DCHS2: variants seen among roughly 807,000 people sequenced by gnomAD.
DCHS2 encodes protocadherin-23.
DCHS2 carries 142 observed loss-of-function variants against 182.4 expected under a neutral mutation model. That is an observed-to-expected ratio of 0.78 (90% confidence interval 0.68 to 0.89). DCHS2 has a LOEUF of 0.89. Ranked by LOEUF, DCHS2 falls within the 40% of genes least tolerant of loss-of-function variation. DCHS2 has a pLI of 0.00. For missense variants in DCHS2, 4,319 were observed against 4,198.6 expected, an observed-to-expected ratio of 1.03 and a Z score of -0.79; for synonymous variants, 1,740 against 1,663.3, an observed-to-expected ratio of 1.05 and a Z score of -1.12.
Position 154,320,817 on chromosome 4 carries a change from G to A in DCHS2, c.4582C>T (p.Leu1528=), listed in dbSNP as rs771697993. Residue 1528 remains leucine, a synonymous_variant, in exon 9 of 20, where the codon CTG becomes TTG. Coordinates refer to ENST00000357232, the MANE Select transcript of DCHS2 (RefSeq NM_001358235.2). ...TCTTTGGCATTGAAGACATACACCAGGGTTCCTATGGGAACATTCTCCTCT... is the reference window on the plus strand; with the variant it reads ...TCTTTGGCATTGAAGACATACACCAAGGTTCCTATGGGAACATTCTCCTCT... ...SVEENVPIGT[L]VYVFNAKDDD... 13 of 1,613,958 alleles carry A rather than the reference G, an allele frequency of 8.1e-6. No homozygotes were observed. Among genetic ancestry groups the A allele is most frequent in the East Asian group, 2.2e-5 (1 of 44,880 alleles).
intron 13 of DCHS2, among the ~76,000 whole-genome samples, chr4:154,274,053 T>TG (rs1733719425): frequency 6.6e-6 from 1 of 152,016 alleles, no homozygotes; most frequent in Non-Finnish European, 1.5e-5. Context: ...CATATGCATT[T>TG]GGGTAAAAGC....
intron 5 of DCHS2, among the ~76,000 whole-genome samples, chr4:154,331,354 C>G (rs1736515018): frequency 6.6e-6 from 1 of 152,048 alleles, no homozygotes; most frequent in Non-Finnish European, 1.5e-5. Flanking sequence ...ACGGGGGAAT[C>G]AACTGTAGTT....
At chr4:154,468,508 AT>A (rs1735327018) in intron 1 of DCHS2, among the ~76,000 whole-genome samples, 1 of 152,062 alleles carries the variant, frequency 6.6e-6, no homozygotes, top group Admixed American at 6.6e-5. Flanking sequence ...GTTCATTAAA[AT>A]CCTCACCTGC....
At chr4:154,255,808 C>G in intron 15 of DCHS2, 138 bp from the exon 16 acceptor site, 2 of 1,316,324 alleles carry the variant, frequency 1.5e-6, no homozygotes, top group Non-Finnish European at 2.0e-6. Context: ...GAAATACCAA[C>G]AGACAACTGA....
At position 154,465,668 on chromosome 4, in the gene DCHS2, C is replaced by CA. The variant is rs879363340; in HGVS notation, c.2052+23635dup. Among the ~76,000 whole-genome samples, 1,141 of 135,896 alleles carry CA rather than the reference C, an allele frequency of 8.4e-3. 19 individuals are homozygous for CA. The highest frequency in any genetic ancestry group is 0.076 in the South Asian group (325 of 4,304). 89.2% of individuals were successfully genotyped at this position (135,896 alleles called of 152,430 possible). On this transcript the variant is annotated intron_variant, in intron 1 of 19. Transcript: ENST00000357232. ...TGGGTGACAGAGCAAGACCCCATCT[C>CA]AAAAAAAAAAAAAGTGACATACCAT... is the stretch of plus-strand genomic sequence containing the variant.
At chr4:154,463,133 A>G (rs1735084921) in intron 1 of DCHS2, among the ~76,000 whole-genome samples, 1 of 144,308 alleles carries the variant, frequency 6.9e-6, no homozygotes, top group Admixed American at 7.3e-5. Flanking sequence ...ATAAGTATAT[A>G]CATACTTATG....
intron 1 of DCHS2, among the ~76,000 whole-genome samples, chr4:154,386,634 C>G (rs902109449): frequency 6.6e-6 from 1 of 152,120 alleles, no homozygotes; most frequent in Non-Finnish European, 1.5e-5. Context: ...ACACTGATCT[C>G]GCCCCACCCC....
At chr4:154,420,541 C>T (rs2110913865) in intron 1 of DCHS2, among the ~76,000 whole-genome samples, 1 of 152,212 alleles carries the variant, frequency 6.6e-6, no homozygotes, top group East Asian at 1.9e-4. Context: ...AGTACAAGTC[C>T]CAGAGTCTAA....
chr4:154,462,970 A>G (rs1284172707), intron 1 of DCHS2, among the ~76,000 whole-genome samples: 1 of 152,046 alleles, frequency 6.6e-6, no homozygotes, highest in Non-Finnish European at 1.5e-5. Context: ...GAAATGAGAA[A>G]AAGCCAAAAC....
intron 14 of DCHS2, among the ~76,000 whole-genome samples, chr4:154,265,607 T>C (rs1733210861): frequency 6.6e-6 from 1 of 152,186 alleles, no homozygotes; most frequent in Admixed American, 6.5e-5. Context: ...AGTGAGAACC[T>C]GTCTTTCTTT....
intron 14 of DCHS2, among the ~76,000 whole-genome samples, chr4:154,268,740 C>A (rs550721147): frequency 2.4e-4 from 37 of 152,192 alleles, no homozygotes; most frequent in African/African-American, 7.0e-4. Context: ...AGATATTTCA[C>A]AATAAAATTT....
At chr4:154,390,969 T>C (rs983252775) in intron 1 of DCHS2, among the ~76,000 whole-genome samples, 3 of 152,234 alleles carry the variant, frequency 2.0e-5, no homozygotes, top group Non-Finnish European at 1.5e-5. Flanking sequence ...ATCATAGATA[T>C]TGATAACGTC....
intron 1 of DCHS2, among the ~76,000 whole-genome samples, chr4:154,474,489 A>G (rs980580031): frequency 1.3e-5 from 2 of 152,148 alleles, no homozygotes; most frequent in East Asian, 3.9e-4. Context: ...GGGCACCTCC[A>G]TCCCAGAGCT....
At chr4:154,346,771 A>G (rs1400873987) in intron 3 of DCHS2, among the ~76,000 whole-genome samples, 1 of 151,892 alleles carries the variant, frequency 6.6e-6, no homozygotes, top group East Asian at 1.9e-4. Flanking sequence ...ATTCCTAGAT[A>G]CCCATCGAAA....
rs201236656 is a variant in DCHS2 at position 154,322,403 on chromosome 4, G to C, written c.4104C>G (p.Ser1368=). Residue 1368 remains serine, a synonymous_variant, in exon 8 of 20, where the codon TCC becomes TCG. Coordinates refer to ENST00000357232, the MANE Select transcript of DCHS2 (RefSeq NM_001358235.2). The part of the protein sequence containing the change: ...TTILSYDYRP[S]YRMSVIATDQ... The stretch of plus-strand genomic sequence containing the variant: ...CAGTGGCAATGACACTCATTCTGTA[G>C]GAAGGTCTATAATCATACGAAAGTA... 2.7e-5 allele frequency: 43 copies of C among 1,613,636 alleles called. No individual in the cohort carries two copies. Among genetic ancestry groups the C allele is most frequent in the African/African-American group, 5.3e-5 (4 of 74,902 alleles).
chr4:154,270,517 G>A (rs1315570263), intron 13 of DCHS2, among the ~76,000 whole-genome samples: 1 of 151,956 alleles, frequency 6.6e-6, no homozygotes, highest in Non-Finnish European at 1.5e-5. Context: ...GGAAGAAGAA[G>A]AAGGTGGAGA....
intron 1 of DCHS2, among the ~76,000 whole-genome samples, chr4:154,410,497 T>C (rs1279486922): frequency 1.3e-5 from 1 of 74,540 alleles, no homozygotes. Context: ...GAAAATATAA[T>C]GAAAAAGAGT....
At chr4:154,389,321 C>A (rs1267740318) in intron 1 of DCHS2, among the ~76,000 whole-genome samples, 3 of 151,812 alleles carry the variant, frequency 2.0e-5, no homozygotes, top group Non-Finnish European at 4.4e-5. Flanking sequence ...GGTTTGCTAA[C>A]CCCTGATCTA....
intron 13 of DCHS2, among the ~76,000 whole-genome samples, chr4:154,274,046 A>G (rs1228922912): frequency 6.6e-6 from 1 of 152,166 alleles, no homozygotes; most frequent in African/African-American, 2.4e-5. Context: ...ATCATCCCAT[A>G]TGCATTTGGG....
Sources: gnomAD v4.1 joint callset for allele counts (sites outside exome capture counted in the v4.1 genomes callset) on GRCh38, gnomAD v4.1.1 for gene constraint, MANE v1.5 for transcripts, NCBI Gene and HGNC (gene_info 2026-07-23, HGNC 2026-07-21) for gene names.